PCM1: variants seen among roughly 807,000 people sequenced by gnomAD.
PCM1 encodes the protein pericentriolar material 1 protein.
PCM1 carries 157 observed loss-of-function variants against 241.9 expected under a neutral mutation model. The observed-to-expected ratio is 0.65, with a 90% confidence interval of 0.57 to 0.74. PCM1 has a LOEUF of 0.74. PCM1 is among the 30% of genes least tolerant of loss of function. The pLI, the probability that PCM1 is intolerant of heterozygous loss-of-function variation, is 0.00. For synonymous variants in PCM1, 1,085 were observed against 784.9 expected, an observed-to-expected ratio of 1.38 and a Z score of -6.39; for missense variants, 3,478 against 2,360.1, an observed-to-expected ratio of 1.47 and a Z score of -9.81.
At chr8:17,957,471 G>A in intron 12 of PCM1, 50 bp downstream of exon 12, 1 of 1,605,372 alleles carries the variant, frequency 6.2e-7, no homozygotes, top group Non-Finnish European at 8.5e-7. Context: ...TTCTTACAAA[G>A]TGGGTTTTCG....
chr8:18,023,788 G>C (rs563257583), intron 36 of PCM1, among the ~76,000 whole-genome samples: 1 of 152,338 alleles, frequency 6.6e-6, no homozygotes, highest in East Asian at 1.9e-4. Context: ...CTTTCCAGCA[G>C]CCACTCACAC....
rs1554670204 is a variant in PCM1, at chr8:17,960,533, C to CTTTTCTTTTTTT, written c.2322+93_2322+94insCTTTTTTTTTTT. On this transcript the variant is annotated intron_variant, in intron 15 of 38. Transcript: ENST00000325083. ...AGTACTCTTTTTTGTTTTTGTTTTT[C>CTTTTCTTTTTTT]TTTTTTTTTGAGGCAGAGTCTCACT... The CTTTTCTTTTTTT allele has an allele frequency of 1.2e-5, 7 of 604,510 alleles. No homozygotes were observed. The East Asian group carries it at 1.2e-4, about 10-fold the overall frequency. 37.4% of individuals were successfully genotyped at this position (604,510 alleles called of 1,614,324 possible). A position where few individuals can be genotyped will look rare whatever the true frequency, so the allele number is the denominator to read the frequency against.
intron 23 of PCM1, 112 bp from the exon 24 acceptor site, chr8:17,980,479 C>A: frequency 8.0e-6 from 6 of 745,900 alleles, no homozygotes; most frequent in Non-Finnish European, 1.3e-5. Context: ...TTATACCAGG[C>A]CTTCCTAGCA....
chr8:18,009,203 T>C (rs1410025409), intron 30 of PCM1, among the ~76,000 whole-genome samples: 1 of 152,232 alleles, frequency 6.6e-6, no homozygotes, highest in African/African-American at 2.4e-5. Context: ...TTTCCTTTCA[T>C]AGCACTTAGT....
At chr8:17,933,739 C>G (rs895552331) in intron 2 of PCM1, among the ~76,000 whole-genome samples, 3 of 152,098 alleles carry the variant, frequency 2.0e-5, no homozygotes, top group African/African-American at 4.8e-5. Flanking sequence ...AATACCTACT[C>G]TTTAAGAATA....
chr8:17,962,995 G>A (rs1159697055), intron 16 of PCM1, 106 bp from the exon 17 acceptor site: 1 of 708,264 alleles, frequency 1.4e-6, no homozygotes, highest in African/African-American at 1.8e-5. Context: ...AGGAGAGAAT[G>A]AGAATAGAAA....
chr8:17,939,534 C>G (rs983243712), intron 5 of PCM1, among the ~76,000 whole-genome samples, 157 bp from the exon 6 acceptor site: 1 of 152,032 alleles, frequency 6.6e-6, no homozygotes, highest in Non-Finnish European at 1.5e-5. Context: ...AAGCTGGATT[C>G]AGATTTTTTG....
At chr8:17,950,815 G>C (rs2065748587) in intron 8 of PCM1, 91 bp downstream of exon 8, 1 of 754,546 alleles carries the variant, frequency 1.3e-6, no homozygotes, top group African/African-American at 1.8e-5. Context: ...CATATCACCT[G>C]GCATGATTGT....
chr8:17,939,091 A>C (rs1003795466), intron 5 of PCM1, 82 bp downstream of exon 5: 1 of 1,394,812 alleles, frequency 7.2e-7, no homozygotes, highest in Non-Finnish European at 9.9e-7. Flanking sequence ...TAGGTTACGC[A>C]CACAGGAATT....
chr8:17,985,702 A>G, intron 25 of PCM1, 83 bp downstream of exon 25: 1 of 1,060,000 alleles, frequency 9.4e-7, no homozygotes. Context: ...AGACTGAAGC[A>G]TGTGCCATAT....
At chr8:17,963,346 C>A in intron 17 of PCM1, 55 bp downstream of exon 17, 1 of 1,360,028 alleles carries the variant, frequency 7.4e-7, no homozygotes, top group South Asian at 1.4e-5. Context: ...GAAGATTGAC[C>A]TGTAGGCTAG....
intron 38 of PCM1, among the ~76,000 whole-genome samples, chr8:18,027,119 G>A (rs1309756669): frequency 6.6e-6 from 1 of 152,062 alleles, no homozygotes; most frequent in Non-Finnish European, 1.5e-5. Context: ...CATTGTTTTT[G>A]TTTTTCCTGG....
chr8:17,956,240 T>C (rs2068415566), intron 10 of PCM1, among the ~76,000 whole-genome samples: 1 of 152,208 alleles, frequency 6.6e-6, no homozygotes, highest in Non-Finnish European at 1.5e-5. Flanking sequence ...TATACCTGAT[T>C]TTCCTGAGAG....
chr8:17,952,860 T>C, intron 8 of PCM1, 110 bp from the exon 9 acceptor site: 1 of 702,808 alleles, frequency 1.4e-6, no homozygotes, highest in Non-Finnish European at 2.3e-6. Flanking sequence ...CAGCACAGCC[T>C]AGCAAATATT....
At chr8:17,947,575 A>G (rs1342674661) in intron 7 of PCM1, among the ~76,000 whole-genome samples, 1 of 152,220 alleles carries the variant, frequency 6.6e-6, no homozygotes, top group African/African-American at 2.4e-5. Context: ...GCAGATAGCC[A>G]GATCTCTCTC....
At chr8:17,957,017 T>C (rs972022078) in intron 11 of PCM1, among the ~76,000 whole-genome samples, 1 of 152,222 alleles carries the variant, frequency 6.6e-6, no homozygotes, top group Non-Finnish European at 1.5e-5. Flanking sequence ...ATGAGATGTA[T>C]CTAACTTAGC....
At chr8:17,964,021 C>T (rs541611758) in intron 17 of PCM1, among the ~76,000 whole-genome samples, 5 of 152,256 alleles carry the variant, frequency 3.3e-5, no homozygotes, top group East Asian at 1.9e-4. Flanking sequence ...CTACAGAGTT[C>T]TTCAGATAGT....
rs147236538 is a variant in PCM1, at chr8:17,953,825, A to G, written c.1288+639A>G. On this transcript the variant is annotated intron_variant, in intron 9 of 38. Coordinates refer to ENST00000325083, the MANE Select transcript of PCM1 (RefSeq NM_006197.4). ...CCTTTTCAAACATGGCCCCTGTCTC[A>G]TATCCAAATAGTAATAGAGGCTCAA... 1.9e-4 allele frequency among the ~76,000 whole-genome samples: 28 copies of G among 147,318 alleles called. No homozygotes were observed. The East Asian group carries it at 5.4e-3, about 28-fold the overall frequency.
chr8:17,961,304 CTTTTTTTT>C (rs35468848), intron 15 of PCM1, among the ~76,000 whole-genome samples: 4 of 79,138 alleles, frequency 5.1e-5, no homozygotes, highest in South Asian at 5.3e-4. Flanking sequence ...TATTGGCTAG[CTTTTTTTT>C]TTTTTTTTTT....
Sources: gnomAD v4.1 joint callset for allele counts (sites outside exome capture counted in the v4.1 genomes callset) on GRCh38, gnomAD v4.1.1 for gene constraint, MANE v1.5 for transcripts, NCBI Gene and HGNC (gene_info 2026-07-23, HGNC 2026-07-21) for gene names.